The following MN1 variants were observed in gnomAD, a reference collection of about 807,000 sequenced individuals.
MN1 encodes the protein MN1 proto-oncogene, transcriptional regulator.
MN1 carries 19 observed loss-of-function variants against 86.9 expected under a neutral mutation model. The observed-to-expected ratio is 0.22, with a 90% CI of 0.15 to 0.32. MN1 has a LOEUF of 0.32. Ranked by LOEUF, MN1 falls within the 10% of genes least tolerant of loss-of-function variation. The pLI, the probability that MN1 is intolerant of heterozygous loss-of-function variation, is 1.00. For synonymous variants in MN1, 928 were observed against 849.6 expected, an observed-to-expected ratio of 1.09 and a Z score of -1.60; for missense variants, 1,841 against 1,862.0, an observed-to-expected ratio of 0.99 and a Z score of 0.21.
At chr22:27,772,886 A>ATCATC (rs1568975154) in intron 1 of MN1, among the ~76,000 whole-genome samples, 31 of 115,804 alleles carry the variant, frequency 2.7e-4, no homozygotes, top group East Asian at 1.9e-3. Flanking sequence ...TCATCATCAT[A>ATCATC]ATCAAGCAGT....
At chr22:27,764,164 C>T (rs1485431746) in intron 1 of MN1, among the ~76,000 whole-genome samples, 3 of 152,164 alleles carry the variant, frequency 2.0e-5, no homozygotes. Flanking sequence ...AGAGAAGGAG[C>T]ATCGAGAATC....
rs1002719762 is a variant in MN1, at chr22:27,789,021, G to A, written c.3781+7742C>T. Among the ~76,000 whole-genome samples, 8 of 152,242 alleles carry A rather than the reference G, an allele frequency of 5.3e-5. No individual in the cohort carries two copies. In the East Asian group the frequency reaches 1.5e-3, roughly 29 times the overall value. On this transcript the variant is annotated intron_variant, in intron 1 of 1. Transcript: ENST00000302326. Reference sequence around the variant, plus strand: ...AAACTACTTTTAAATCCTCACAATTGAATGCATCAACGGGCCACTTAGTTC... The same window carrying A: ...AAACTACTTTTAAATCCTCACAATTAAATGCATCAACGGGCCACTTAGTTC...
At chr22:27,766,111 C>T (rs1380664101) in intron 1 of MN1, among the ~76,000 whole-genome samples, 1 of 152,200 alleles carries the variant, frequency 6.6e-6, no homozygotes, top group Non-Finnish European at 1.5e-5. Context: ...CGGACGCTGG[C>T]TGTGTGATTT....
In MN1 at chr22:27,800,061, C is replaced by T. The variant is rs748457083; in HGVS notation, c.483G>A (p.Gly161=). The T allele has an allele frequency of 1.2e-6, 2 of 1,600,402 alleles. No individual in the cohort carries two copies. The highest frequency in any genetic ancestry group is 1.1e-5 in the South Asian group (1 of 90,698). Reference sequence around the variant, plus strand: ...GTCGCTGCGGGCCGAAGCTCTCAGGCCCCTGGCTCTCCGCCATGTGCTCAT... The same window carrying T: ...GTCGCTGCGGGCCGAAGCTCTCAGGTCCCTGGCTCTCCGCCATGTGCTCAT... ...EGYEHMAESQ[G]PESFGPQRPG... is the part of the protein sequence containing the mutation. The change falls in exon 1 of 2, where the codon GGG becomes GGA. Residue 161 remains glycine, a synonymous_variant. Transcript: ENST00000302326.
intron 1 of MN1, among the ~76,000 whole-genome samples, chr22:27,776,740 C>T (rs1222022414): frequency 6.6e-6 from 1 of 152,116 alleles, no homozygotes; most frequent in East Asian, 1.9e-4. Context: ...TGCCCCCCCT[C>T]ACCCGCCCCA....
At chr22:27,784,656 G>A (rs529870293) in intron 1 of MN1, among the ~76,000 whole-genome samples, 2 of 152,276 alleles carry the variant, frequency 1.3e-5, no homozygotes, top group East Asian at 3.9e-4. Flanking sequence ...GGGGAAAATT[G>A]CATTTTTATC....
At chr22:27,790,785 C>T (rs1933200774) in intron 1 of MN1, among the ~76,000 whole-genome samples, 1 of 152,130 alleles carries the variant, frequency 6.6e-6, no homozygotes, top group African/African-American at 2.4e-5. Context: ...GACACCTCCA[C>T]GTACGCTCAC....
rs375104212 is a variant in MN1, at chr22:27,751,005, G to A, written c.3873C>T (p.Asp1291=). 3.3e-4 allele frequency: 536 copies of A among 1,612,998 alleles called. 7 individuals are homozygous for A. In the South Asian group the frequency reaches 5.1e-3, roughly 15 times the overall value. The change falls in exon 2 of 2, where the codon GAC becomes GAT. Residue 1291 remains aspartate (D), a synonymous_variant. Coordinates refer to ENST00000302326, the MANE Select transcript of MN1 (RefSeq NM_002430.3). ...TGGGCACGGAGGCTCGAGCCTTGGC[G>A]TCACCCACGTCGTCTGTGCAGTGGA... ...LSVHCTDDVG[D]AKARASVPTW... is the part of the protein sequence containing the mutation.
intron 1 of MN1, among the ~76,000 whole-genome samples, chr22:27,776,447 T>TA (rs1214849572): frequency 6.6e-6 from 1 of 152,036 alleles, no homozygotes; most frequent in Non-Finnish European, 1.5e-5. Context: ...CTGACCTCAT[T>TA]AAAAAATAAT....
chr22:27,795,290 G>A (rs566946434), intron 1 of MN1, among the ~76,000 whole-genome samples: 7 of 152,038 alleles, frequency 4.6e-5, no homozygotes, highest in African/African-American at 1.2e-4. Flanking sequence ...AAACCTAAGC[G>A]GGAAAGCTAC....
In MN1 at chr22:27,800,891, TG is replaced by T. The variant is rs1933425399; in HGVS notation, c.-349del. ...GGATGAACGGAGACAAAAAGTTAAG[TG>T]GGGGGAATGGGGAGGGAAGGGGGTT... is the stretch of plus-strand genomic sequence containing the variant. On this transcript the variant is annotated 5_prime_UTR_variant, in exon 1 of 2. Transcript: ENST00000302326. The T allele has an allele frequency of 5.6e-6, 1 of 179,960 alleles. No homozygotes were observed. Among genetic ancestry groups the T allele is most frequent in the Non-Finnish European group, 1.0e-5 (1 of 96,532 alleles). 11.1% of individuals were successfully genotyped at this position (179,960 alleles called of 1,614,324 possible). A position where few individuals can be genotyped will look rare whatever the true frequency, so the allele number is the denominator to read the frequency against.
intron 1 of MN1, among the ~76,000 whole-genome samples, chr22:27,793,154 CA>C (rs1933237796): frequency 6.6e-6 from 1 of 152,014 alleles, no homozygotes; most frequent in Non-Finnish European, 1.5e-5. Flanking sequence ...ATAGAGCTAC[CA>C]GGGGAAAGGA....
At position 27,763,818 on chromosome 22, in the gene MN1, G is replaced by A. The variant is rs142951225; in HGVS notation, c.3782-12722C>T. On this transcript the variant is annotated intron_variant, in intron 1 of 1. Coordinates refer to ENST00000302326, the MANE Select transcript of MN1 (RefSeq NM_002430.3). ...GAGATATTCCGGTAAACATGAACCT[G>A]CAAAATAGAGCAGGAGCTCCACCAG... 1.5e-4 allele frequency among the ~76,000 whole-genome samples: 23 copies of A among 152,330 alleles called. No homozygotes were observed. The East Asian group carries it at 4.1e-3, about 27-fold the overall frequency.
intron 1 of MN1, among the ~76,000 whole-genome samples, chr22:27,763,197 G>A (rs932743639): frequency 6.6e-6 from 1 of 152,238 alleles, no homozygotes; most frequent in Admixed American, 6.5e-5. Context: ...GAGGTTCAGT[G>A]CAAGTCTGGA....
intron 1 of MN1, among the ~76,000 whole-genome samples, chr22:27,776,551 C>T (rs2146304494): frequency 6.6e-6 from 1 of 152,284 alleles, no homozygotes; most frequent in East Asian, 1.9e-4. Flanking sequence ...GCGGGCCTGG[C>T]CTGACCTAGA....
intron 1 of MN1, among the ~76,000 whole-genome samples, chr22:27,791,072 C>T (rs186892092): frequency 6.6e-6 from 1 of 152,188 alleles, no homozygotes; most frequent in Non-Finnish European, 1.5e-5. Context: ...GATGGAAATA[C>T]ACTCGGCCAT....
chr22:27,771,222 T>G (rs1377659574), intron 1 of MN1, among the ~76,000 whole-genome samples: 1 of 95,422 alleles, frequency 1.0e-5, no homozygotes, highest in East Asian at 2.5e-4. Flanking sequence ...TCCCTAACTT[T>G]TTTTTTTTTT....
At chr22:27,784,528 TA>T (rs1933095734) in intron 1 of MN1, among the ~76,000 whole-genome samples, 1 of 133,930 alleles carries the variant, frequency 7.5e-6, no homozygotes, top group Non-Finnish European at 1.8e-5. Flanking sequence ...AATTTTACTC[TA>T]AAGTTTAAAA....
intron 1 of MN1, among the ~76,000 whole-genome samples, chr22:27,764,134 G>A (rs1932853204): frequency 6.6e-6 from 1 of 152,196 alleles, no homozygotes; most frequent in Admixed American, 6.5e-5. Context: ...GCAATGGGGA[G>A]CCAAGGAAGG....
Sources: allele counts gnomAD v4.1 joint callset (sites outside exome capture counted in the v4.1 genomes callset), GRCh38; gene constraint gnomAD v4.1.1; transcripts MANE v1.5; gene names NCBI Gene and HGNC (gene_info 2026-07-23, HGNC 2026-07-21).